Variants in SRRT observed in about 807,000 individuals in gnomAD.
SRRT encodes serrate RNA effector molecule homolog.
In SRRT, 32 loss-of-function variants were observed where a neutral mutation model predicts 103.2. The observed-to-expected ratio is 0.31, with a 90% CI of 0.23 to 0.42. The LOEUF (loss-of-function observed/expected upper bound fraction) is 0.42. Ranked by LOEUF, SRRT falls within the 10% of genes least tolerant of loss-of-function variation. SRRT has a pLI of 1.00. For missense variants in SRRT, 986 were observed against 1,207.5 expected (o/e 0.82, Z 2.72); for synonymous variants, 525 against 449.0 (o/e 1.17, Z -2.14).
intron 2 of SRRT, 187 bp downstream of exon 2, chr7:100,875,899 T>A (rs1005872415): frequency 6.4e-6 from 4 of 622,974 alleles, no homozygotes; most frequent in Admixed American, 5.6e-5. Context: ...TTTTTGAAAT[T>A]CTCTGCAGAT....
rs1321306600 is a variant in SRRT, at chr7:100,888,110, G to T, written c.2395G>T (p.Gly799Cys). 1 of 1,610,704 alleles carries T rather than the reference G, an allele frequency of 6.2e-7. No individual in the cohort carries two copies. The highest frequency in any genetic ancestry group is 8.5e-7 in the Non-Finnish European group (1 of 1,178,216). The change falls in exon 18 of 20, where the codon GGT becomes TGT. Residue 799 changes from glycine to cysteine, a missense_variant. Coordinates refer to ENST00000611405, the MANE Select transcript of SRRT (RefSeq NM_015908.6). ...HQTPQGLMPY[G>C]QPRPPILGYG... ...GACTCCCCAGGGCCTGATGCCCTAT[G>T]GTCAGCCCCGGCCCCCGATCTTGGG...
chr7:100,883,929 C>T (rs973701912), intron 5 of SRRT, 141 bp from the exon 6 acceptor site: 11 of 898,530 alleles, frequency 1.2e-5, no homozygotes, highest in Middle Eastern at 2.7e-4. Flanking sequence ...GCACCCCTAT[C>T]CCTTAATCTC....
At chr7:100,876,236 T>C (rs1294646998) in intron 2 of SRRT, among the ~76,000 whole-genome samples, 1 of 152,108 alleles carries the variant, frequency 6.6e-6, no homozygotes. Context: ...ACTGCAACCT[T>C]CGCCTCTGGG....
chr7:100,884,748 T>C lies in SRRT; in HGVS notation c.951T>C (p.Asn317=). The change falls in exon 8 of 20, where the codon AAT becomes AAC. Residue 317 remains asparagine (N), a synonymous_variant. Coordinates refer to ENST00000611405, the MANE Select transcript of SRRT (RefSeq NM_015908.6). ...EKKEDGKQAE[N]DSSNDDKTKK... is the part of the protein sequence containing the mutation. Reference sequence around the variant, plus strand: ...GTTGTCTCTTACCATAGGCTGAGAATGACAGTTCTAATGATGACAAAACAA... The same window carrying C: ...GTTGTCTCTTACCATAGGCTGAGAACGACAGTTCTAATGATGACAAAACAA... 2.5e-6 allele frequency: 4 copies of C among 1,613,860 alleles called. No individual in the cohort carries two copies. Among genetic ancestry groups the C allele is most frequent in the Non-Finnish European group, 3.4e-6 (4 of 1,179,910 alleles).
In SRRT at chr7:100,876,243, T is replaced by G. The variant is rs560194561; in HGVS notation, c.122+531T>G. 1.2e-4 allele frequency among the ~76,000 whole-genome samples: 18 copies of G among 152,276 alleles called. No homozygotes were observed. The South Asian group carries it at 3.7e-3, about 32-fold the overall frequency. ...CTTGGCTCACTGCAACCTTCGCCTC[T>G]GGGGTTCAAGTAATTCTCCTGCCTC... On this transcript the variant is annotated intron_variant, in intron 2 of 19. Coordinates refer to ENST00000611405, the MANE Select transcript of SRRT (RefSeq NM_015908.6).
In SRRT at chr7:100,886,857, C is replaced by T. The variant is rs775025778; in HGVS notation, c.1710C>T (p.Ser570=). The T allele has an allele frequency of 5.0e-5, 80 of 1,614,020 alleles. 1 individual carries two copies. Among genetic ancestry groups the T allele is most frequent in the African/African-American group, 6.7e-5 (5 of 74,908 alleles). ...NITDYLIEEV[S]AEEEELLGSS... ...CCGACTACCTGATCGAGGAAGTAAG[C>T]GCCGAGGAGGAGGAGCTGCTGGGGA... Residue 570 remains serine, a synonymous_variant, in exon 14 of 20, where the codon AGC becomes AGT. Transcript: ENST00000611405.
chr7:100,880,165 C>G (rs185074416), intron 2 of SRRT, among the ~76,000 whole-genome samples: 71 of 152,284 alleles, frequency 4.7e-4, no homozygotes, highest in Middle Eastern at 3.4e-3. Context: ...AGAGGATTAG[C>G]AGGAGCAGTA....
chr7:100,886,240 C>T lies in SRRT; in HGVS notation c.1459-7C>T. On this transcript the variant is annotated splice_region_variant and splice_polypyrimidine_tract_variant and intron_variant, in intron 12 of 19. Transcript: ENST00000611405. ...GGGGTAAGCTGCTGATGATGTCTGCCCTCCAGCTCCGGGAGTGTGAGCTGA... is the reference window on the plus strand; with the variant it reads ...GGGGTAAGCTGCTGATGATGTCTGCTCTCCAGCTCCGGGAGTGTGAGCTGA... The T allele has an allele frequency of 6.2e-7, 1 of 1,608,114 alleles. No individual in the cohort carries two copies. Among genetic ancestry groups the T allele is most frequent in the South Asian group, 1.1e-5 (1 of 90,696 alleles).
At chr7:100,886,043 C>A in intron 12 of SRRT, 102 bp downstream of exon 12, 1 of 1,419,230 alleles carries the variant, frequency 7.0e-7, no homozygotes, top group South Asian at 1.2e-5. Context: ...TTGTTCTGCA[C>A]ACTCTTTGAC....
chr7:100,882,194 G>C lies in SRRT; in HGVS notation c.540G>C (p.Arg180=), dbSNP rs1789638637. The C allele has an allele frequency of 1.2e-6, 2 of 1,614,194 alleles. No homozygotes were observed. Among genetic ancestry groups the C allele is most frequent in the East Asian group, 4.5e-5 (2 of 44,894 alleles). The part of the protein sequence containing the change: ...KRYNDYKLDF[R]RQQMQDFFLA... ...ATAATGACTACAAGCTGGATTTCCGGAGGCAACAGATGCAGGATTTCTTCC... is the reference window on the plus strand; with the variant it reads ...ATAATGACTACAAGCTGGATTTCCGCAGGCAACAGATGCAGGATTTCTTCC... Residue 180 remains arginine, a synonymous_variant, in exon 5 of 20, where the codon CGG becomes CGC. Transcript: ENST00000611405. The surrounding 1 kb of genome is among the most constrained non-coding windows in gnomAD (Gnocchi z 4.2).
chr7:100,878,062 A>G (rs1422886202), intron 2 of SRRT, among the ~76,000 whole-genome samples: 1 of 152,302 alleles, frequency 6.6e-6, no homozygotes, highest in East Asian at 1.9e-4. Flanking sequence ...CTGTAATCCC[A>G]ACACTTTGGG....
Position 100,885,050 on chromosome 7 carries a change from C to T in SRRT, c.1159+10C>T. 2 of 1,613,608 alleles carry T rather than the reference C, an allele frequency of 1.2e-6. No individual in the cohort carries two copies. The highest frequency in any genetic ancestry group is 1.7e-6 in the Non-Finnish European group (2 of 1,179,992). ...GAGAAGGAGGAGGCCGGTAGGGTTT[C>T]TTTTCTGCTTTAAAGTGCGTTCTCC... On this transcript the variant is annotated intron_variant, in intron 9 of 19. Coordinates refer to ENST00000611405, the MANE Select transcript of SRRT (RefSeq NM_015908.6). The surrounding 1 kb of genome is among the most constrained non-coding windows in gnomAD (Gnocchi z 4.8).
At chr7:100,883,377 C>T (rs1028667349) in intron 5 of SRRT, among the ~76,000 whole-genome samples, 4 of 152,126 alleles carry the variant, frequency 2.6e-5, no homozygotes, top group African/African-American at 4.8e-5. Flanking sequence ...TTTCCTCATA[C>T]TCCTCATTTC....
At chr7:100,881,980 C>A in intron 4 of SRRT, 73 bp from the exon 5 acceptor site, 1 of 1,533,994 alleles carries the variant, frequency 6.5e-7, no homozygotes, top group Non-Finnish European at 8.8e-7. Context: ...TAAAGGGGCC[C>A]CAGCTACTTT....
In SRRT at chr7:100,887,869, GATCC is replaced by G; in HGVS notation, c.2326+13_2326+16del. Reference sequence around the variant, plus strand: ...CCTGGCCCCGCCCAGAGTAAGATACGATCCATGAAGGTCGCATGTGCCCTCTTCC... The same window carrying G: ...CCTGGCCCCGCCCAGAGTAAGATACGATGAAGGTCGCATGTGCCCTCTTCC... On this transcript the variant is annotated intron_variant, in intron 17 of 19. Coordinates refer to ENST00000611405, the MANE Select transcript of SRRT (RefSeq NM_015908.6). The surrounding 1 kb of genome is among the most constrained non-coding windows in gnomAD (Gnocchi z 4.1). The G allele has an allele frequency of 6.3e-7, 1 of 1,593,428 alleles. No homozygotes were observed. Among genetic ancestry groups the G allele is most frequent in the South Asian group, 1.1e-5 (1 of 90,520 alleles).
At position 100,887,923 on chromosome 7, in the gene SRRT, C is replaced by G; in HGVS notation, c.2326+64C>G. 1.9e-6 allele frequency: 3 copies of G among 1,558,900 alleles called. No individual in the cohort carries two copies. The highest frequency in any genetic ancestry group is 2.6e-6 in the Non-Finnish European group (3 of 1,149,062). On this transcript the variant is annotated intron_variant, in intron 17 of 19. Transcript: ENST00000611405. This position sits in a 1 kb window ranked among gnomAD's most constrained non-coding sequence, Gnocchi z 4.1. ...CTTGACTACCCAGGGACTCCTGTTT[C>G]TCTTTAACGTGTCACCCCGAGAAGT...
intron 2 of SRRT, among the ~76,000 whole-genome samples, chr7:100,878,924 C>CT (rs1816016665): frequency 1.3e-5 from 2 of 151,554 alleles, no homozygotes; most frequent in Admixed American, 1.3e-4. Context: ...CTTTTCTTTT[C>CT]CTTCCTTTCT....
intron 2 of SRRT, among the ~76,000 whole-genome samples, chr7:100,876,385 T>C (rs1343236115): frequency 2.0e-5 from 3 of 152,152 alleles, no homozygotes; most frequent in South Asian, 2.1e-4. Context: ...CTCTCGACTT[T>C]AGGTAATCCA....
rs754566764 is a variant in SRRT at position 100,875,160 on chromosome 7, A to G, written c.-187A>G. ...AGGCGCAGCGCGGGCTGCGCGCGCT[A>G]CTGCCCATCCCCGGTTGTCCCACTT... On this transcript the variant is annotated 5_prime_UTR_variant, in exon 1 of 20. Transcript: ENST00000611405. The G allele has an allele frequency of 5.9e-6, 1 of 169,380 alleles. No homozygotes were observed. The highest frequency in any genetic ancestry group is 1.3e-5 in the Non-Finnish European group (1 of 77,766). 10.5% of individuals were successfully genotyped at this position (169,380 alleles called of 1,614,324 possible).
Sources: gnomAD v4.1 joint callset for allele counts (sites outside exome capture counted in the v4.1 genomes callset) on GRCh38, gnomAD v4.1.1 for gene constraint, Gnocchi (gnomAD v3.1) non-coding constraint, MANE v1.5 for transcripts, NCBI Gene and HGNC (gene_info 2026-07-23, HGNC 2026-07-21) for gene names.